UTP25: variants seen among roughly 807,000 people sequenced by gnomAD.
UTP25 encodes the protein UTP25 small subunit processome component, also known as U3 small nucleolar RNA-associated protein 25 homolog.
UTP25 carries 50 observed loss-of-function variants against 78.9 expected under a neutral mutation model. The observed-to-expected ratio is 0.63, with a 90% CI of 0.50 to 0.80. The LOEUF is 0.80. Ranked by LOEUF, UTP25 falls within the 30% of genes least tolerant of loss-of-function variation. The pLI, the probability that UTP25 is intolerant of heterozygous loss-of-function variation, is 0.00. For synonymous variants in UTP25, 329 were observed against 336.5 expected (o/e 0.98, Z 0.24); for missense variants, 846 against 911.3 (o/e 0.93, Z 0.92).
chr1:209,839,334 C>T (rs1246661450), intron 7 of UTP25, among the ~76,000 whole-genome samples: 4 of 152,162 alleles, frequency 2.6e-5, no homozygotes, highest in Non-Finnish European at 4.4e-5. Context: ...TCGGGAGGAT[C>T]TCTGAGGCCA....
At chr1:209,829,348 A>G (rs891007922) in intron 1 of UTP25, among the ~76,000 whole-genome samples, 2 of 152,220 alleles carry the variant, frequency 1.3e-5, no homozygotes, top group African/African-American at 4.8e-5. Flanking sequence ...GATCTTTGCA[A>G]TTACGATAAG....
At chr1:209,840,791 G>A in intron 7 of UTP25, 62 bp from the exon 8 acceptor site, 1 of 1,527,016 alleles carries the variant, frequency 6.5e-7, no homozygotes, top group Non-Finnish European at 9.1e-7. Flanking sequence ...GCTTTGAGAG[G>A]GTGGAAGGTA....
At chr1:209,832,811 G>A (rs544943740) in intron 3 of UTP25, among the ~76,000 whole-genome samples, 158 of 152,324 alleles carry the variant, frequency 1.0e-3, no homozygotes, top group African/African-American at 3.7e-3. Context: ...TTGAGCCCAA[G>A]AGGTGGAGGT....
chr1:209,857,495 A>T lies in UTP25; in HGVS notation c.*6048A>T, dbSNP rs751057708. 6.6e-6 allele frequency: 1 copy of T among 152,214 alleles called. No individual in the cohort carries two copies. The highest frequency in any genetic ancestry group is 1.5e-5 in the Non-Finnish European group (1 of 68,042). 9.4% of individuals were successfully genotyped at this position (152,214 alleles called of 1,614,324 possible). Reference sequence around the variant, plus strand: ...TGTTTCCTCCCAGATTGTTTTCTGCATGAATAATAACCAACAATGTGTGTG... The same window carrying T: ...TGTTTCCTCCCAGATTGTTTTCTGCTTGAATAATAACCAACAATGTGTGTG... On this transcript the variant is annotated 3_prime_UTR_variant, in exon 12 of 12. Coordinates refer to ENST00000491415, the MANE Select transcript of UTP25 (RefSeq NM_014388.7).
In UTP25 at chr1:209,852,663, C is replaced by T. The variant is rs1225320190; in HGVS notation, c.*1216C>T. 1 of 152,134 alleles carries T rather than the reference C, an allele frequency of 6.6e-6. No homozygotes were observed. The highest frequency in any genetic ancestry group is 1.9e-4 in the East Asian group (1 of 5,202). 9.4% of individuals were successfully genotyped at this position (152,134 alleles called of 1,614,324 possible). A position where few individuals can be genotyped will look rare whatever the true frequency, so the allele number is the denominator to read the frequency against. ...TTTGACAATGAGACATTCCAGGTTT[C>T]TCTACTCCAGCCCTGCTTGCTTTTA... On this transcript the variant is annotated 3_prime_UTR_variant, in exon 12 of 12. Transcript: ENST00000491415.
chr1:209,831,838 G>C (rs1167319739), intron 3 of UTP25, among the ~76,000 whole-genome samples: 1 of 152,092 alleles, frequency 6.6e-6, no homozygotes, highest in Non-Finnish European at 1.5e-5. Context: ...TTTGTGTCTA[G>C]CTATTTTTGC....
At chr1:209,830,067 A>G in intron 1 of UTP25, 41 bp from the exon 2 acceptor site, 1 of 1,569,382 alleles carries the variant, frequency 6.4e-7, no homozygotes, top group Non-Finnish European at 8.7e-7. Flanking sequence ...TAATTTCTAC[A>G]TACTAGTAGT....
intron 2 of UTP25, 24 bp downstream of exon 2, chr1:209,830,171 A>AAT: frequency 1.2e-6 from 2 of 1,604,636 alleles, no homozygotes; most frequent in South Asian, 1.1e-5. Context: ...CCTTCTTTTT[A>AAT]ATAGTTGGTT....
Position 209,838,831 on chromosome 1 carries a change from C to G in UTP25, c.1063-78C>G. On this transcript the variant is annotated intron_variant, in intron 6 of 11. Transcript: ENST00000491415. ...CTGCTCTACATGGAGCTTTTTAGCT[C>G]CACTTCCTCAGCAGTTTCACCTCAA... 3 of 1,501,966 alleles carry G rather than the reference C, an allele frequency of 2.0e-6. 1 individual carries two copies. The highest frequency in any genetic ancestry group is 2.3e-5 in the South Asian group (2 of 88,464). The allele number at this position is 1,501,966 out of a possible 1,614,324, so 93.0% of individuals were successfully genotyped here.
rs2078277335 is a variant in UTP25, at chr1:209,856,522, T to TA, written c.*5075_*5076insA. 6.6e-6 allele frequency: 1 copy of TA among 152,218 alleles called. No homozygotes were observed. The highest frequency in any genetic ancestry group is 2.1e-4 in the South Asian group (1 of 4,828). The allele number at this position is 152,218 out of a possible 1,614,324, so 9.4% of individuals were successfully genotyped here. A position where few individuals can be genotyped will look rare whatever the true frequency, so the allele number is the denominator to read the frequency against. On this transcript the variant is annotated 3_prime_UTR_variant, in exon 12 of 12. Coordinates refer to ENST00000491415, the MANE Select transcript of UTP25 (RefSeq NM_014388.7). The stretch of plus-strand genomic sequence containing the variant: ...TAGGAGAGTGGTGAAGAAAGGAGCT[T>TA]GGTTCTGCAAGGATGTTGTAGAGCT...
At chr1:209,845,863 C>CTTTTTT (rs72219049) in intron 11 of UTP25, among the ~76,000 whole-genome samples, 1 of 111,492 alleles carries the variant, frequency 9.0e-6, no homozygotes, top group Non-Finnish European at 1.9e-5. Flanking sequence ...TTTTCTTTTT[C>CTTTTTT]TTTTTTTTTT....
chr1:209,836,618 G>T (rs913855920), intron 5 of UTP25, among the ~76,000 whole-genome samples, 183 bp from the exon 6 acceptor site: 1 of 152,134 alleles, frequency 6.6e-6, no homozygotes, highest in African/African-American at 2.4e-5. Flanking sequence ...TACAACCTCT[G>T]TATGAACCTC....
At position 209,854,181 on chromosome 1, in the gene UTP25, G is replaced by T. The variant is rs183394064; in HGVS notation, c.*2734G>T. The T allele has an allele frequency of 1.3e-5, 2 of 152,176 alleles. No individual in the cohort carries two copies. The highest frequency in any genetic ancestry group is 1.3e-4 in the Admixed American group (2 of 15,282). The allele number at this position is 152,176 out of a possible 1,614,324, so 9.4% of individuals were successfully genotyped here. On this transcript the variant is annotated 3_prime_UTR_variant, in exon 12 of 12. Coordinates refer to ENST00000491415, the MANE Select transcript of UTP25 (RefSeq NM_014388.7). The stretch of plus-strand genomic sequence containing the variant: ...TGCAGCAAGCAAGTGCCTATATAGG[G>T]TCTGAAATATAGACAAAGGATGGTC...
Position 209,830,928 on chromosome 1 carries a change from G to GAAGAGGAA in UTP25, c.273_274insAAGAGGAA (p.Glu92LysfsTer12). On this transcript the variant is annotated frameshift_variant, in exon 3 of 12. Coordinates refer to ENST00000491415, the MANE Select transcript of UTP25 (RefSeq NM_014388.7). LOFTEE classifies it high-confidence loss of function. ...CTGAGGAAGAAGAGGAAGATGAGGA[G>GAAGAGGAA]GAGGAAGAGGAAGAAGACAGTATTG... 6.2e-7 allele frequency: 1 copy of GAAGAGGAA among 1,613,596 alleles called. No homozygotes were observed. The highest frequency in any genetic ancestry group is 8.5e-7 in the Non-Finnish European group (1 of 1,179,494).
At position 209,853,294 on chromosome 1, in the gene UTP25, A is replaced by C. The variant is rs2078251552; in HGVS notation, c.*1847A>C. 4 of 152,082 alleles carry C rather than the reference A, an allele frequency of 2.6e-5. No homozygotes were observed. Among genetic ancestry groups the C allele is most frequent in the Non-Finnish European group, 4.4e-5 (3 of 68,040 alleles). The allele number at this position is 152,082 out of a possible 1,614,324, so 9.4% of individuals were successfully genotyped here. ...TATCATAGATCCTGTATATTATGAG[A>C]ATAAGAAATGAGTTTATTTACCTCA... On this transcript the variant is annotated 3_prime_UTR_variant, in exon 12 of 12. Coordinates refer to ENST00000491415, the MANE Select transcript of UTP25 (RefSeq NM_014388.7).
chr1:209,857,540 G>A lies in UTP25; in HGVS notation c.*6093G>A, dbSNP rs1330689000. 1.3e-5 allele frequency: 2 copies of A among 152,110 alleles called. No individual in the cohort carries two copies. The highest frequency in any genetic ancestry group is 2.9e-5 in the Non-Finnish European group (2 of 68,026). 9.4% of individuals were successfully genotyped at this position (152,110 alleles called of 1,614,324 possible). ...TGTGTGTATGTATATATATGCTTTT[G>A]CATTAAAAGGTGGTTTTGAAGGTAA... On this transcript the variant is annotated 3_prime_UTR_variant, in exon 12 of 12. Transcript: ENST00000491415.
Position 209,828,070 on chromosome 1 carries a change from A to G in UTP25, c.7A>G (p.Lys3Glu). The change falls in exon 1 of 12, where the codon AAA becomes GAA. Residue 3 changes from lysine (K) to glutamate (E), a missense_variant. Coordinates refer to ENST00000491415, the MANE Select transcript of UTP25 (RefSeq NM_014388.7). MGKRGSRSQSQLL... is the reference protein window; with the variant it reads MGERGSRSQSQLL... Reference sequence around the variant, plus strand: ...CAAACTTGACGTTTTCGCTATGGGCAAACGCGGGAGCCGGAGCCAGAGCCA... The same window carrying G: ...CAAACTTGACGTTTTCGCTATGGGCGAACGCGGGAGCCGGAGCCAGAGCCA... 6.2e-7 allele frequency: 1 copy of G among 1,614,100 alleles called. No individual in the cohort carries two copies.
chr1:209,854,072 A>G lies in UTP25; in HGVS notation c.*2625A>G, dbSNP rs1237071489. 6.6e-6 allele frequency: 1 copy of G among 152,178 alleles called. No homozygotes were observed. The highest frequency in any genetic ancestry group is 1.5e-5 in the Non-Finnish European group (1 of 68,046). 9.4% of individuals were successfully genotyped at this position (152,178 alleles called of 1,614,324 possible). A position where few individuals can be genotyped will look rare whatever the true frequency, so the allele number is the denominator to read the frequency against. ...CCTTGAAGATCTGGTCTCTCTCAAC[A>G]CACAATAAGCGAGAAGAGAGGCTAC... On this transcript the variant is annotated 3_prime_UTR_variant, in exon 12 of 12. Transcript: ENST00000491415.
At chr1:209,841,874 C>T (rs1003409093) in intron 8 of UTP25, among the ~76,000 whole-genome samples, 1 of 152,210 alleles carries the variant, frequency 6.6e-6, no homozygotes, top group Admixed American at 6.5e-5. Flanking sequence ...GACAGGGTGA[C>T]ACTGCAACTA....
Sources: gnomAD v4.1 joint callset for allele counts (sites outside exome capture counted in the v4.1 genomes callset) on GRCh38, gnomAD v4.1.1 for gene constraint, MANE v1.5 for transcripts, NCBI Gene and HGNC (gene_info 2026-07-23, HGNC 2026-07-21) for gene names.